The following ATRNL1 variants were observed in gnomAD, a reference collection of about 807,000 sequenced individuals.
ATRNL1 encodes attractin like 1.
In ATRNL1, 95 loss-of-function variants were observed where a neutral mutation model predicts 182.7. The observed-to-expected ratio is 0.52, with a 90% CI of 0.44 to 0.62. The LOEUF is 0.62. Ranked by LOEUF, ATRNL1 falls within the 20% of genes least tolerant of loss-of-function variation. The pLI is 0.00. For synonymous variants in ATRNL1, 576 were observed against 568.3 expected, an observed-to-expected ratio of 1.01 and a Z score of -0.19; for missense variants, 1,471 against 1,679.5, an observed-to-expected ratio of 0.88 and a Z score of 2.17.
chr10:115,753,299 A>G (rs1948499288), intron 27 of ATRNL1, among the ~76,000 whole-genome samples: 2 of 148,884 alleles, frequency 1.3e-5, no homozygotes, highest in Admixed American at 1.4e-4. Context: ...TACATTAGGT[A>G]TTTCTCCTAA....
At chr10:115,354,058 G>T (rs1856391639) in intron 19 of ATRNL1, among the ~76,000 whole-genome samples, 1 of 152,110 alleles carries the variant, frequency 6.6e-6, no homozygotes, top group African/African-American at 2.4e-5. Flanking sequence ...CTAACCCGCA[G>T]CTTGTGGGCC....
At chr10:115,332,834 T>TA (rs1215740668) in intron 18 of ATRNL1, among the ~76,000 whole-genome samples, 1 of 152,054 alleles carries the variant, frequency 6.6e-6, no homozygotes, top group African/African-American at 2.4e-5. Flanking sequence ...GTTTTTTTTT[T>TA]ACATTCAATG....
intron 25 of ATRNL1, among the ~76,000 whole-genome samples, chr10:115,543,204 C>T (rs539680271): frequency 6.6e-6 from 1 of 152,308 alleles, no homozygotes; most frequent in African/African-American, 2.4e-5. Context: ...TAACAACCCT[C>T]AGAAGTTTGA....
intron 27 of ATRNL1, among the ~76,000 whole-genome samples, chr10:115,733,572 G>A (rs1216035737): frequency 2.0e-5 from 3 of 152,084 alleles, no homozygotes; most frequent in Admixed American, 6.6e-5. Flanking sequence ...TGAAGCAGCT[G>A]TCCTATTAAG....
At chr10:115,388,656 A>G (rs1261318542) in intron 19 of ATRNL1, among the ~76,000 whole-genome samples, 1 of 151,900 alleles carries the variant, frequency 6.6e-6, no homozygotes, top group Non-Finnish European at 1.5e-5. Flanking sequence ...TTATATATAC[A>G]CATTATTTAT....
At chr10:115,116,337 G>C (rs531785071) in intron 1 of ATRNL1, among the ~76,000 whole-genome samples, 1 of 151,994 alleles carries the variant, frequency 6.6e-6, no homozygotes, top group African/African-American at 2.4e-5. Context: ...AGAAATAGTA[G>C]TTATGTAAGA....
intron 26 of ATRNL1, among the ~76,000 whole-genome samples, chr10:115,664,672 T>C (rs575586067): frequency 5.3e-5 from 8 of 152,184 alleles, no homozygotes; most frequent in Non-Finnish European, 1.0e-4. Flanking sequence ...AATTATCATA[T>C]AAATAATTTA....
chr10:115,836,004 T>A (rs1950662110), intron 27 of ATRNL1, among the ~76,000 whole-genome samples: 1 of 152,204 alleles, frequency 6.6e-6, no homozygotes, highest in Non-Finnish European at 1.5e-5. Context: ...ATGAACCTCC[T>A]GCACACATGT....
chr10:115,823,437 G>A (rs1950351218), intron 27 of ATRNL1, among the ~76,000 whole-genome samples: 3 of 152,152 alleles, frequency 2.0e-5, no homozygotes, highest in Admixed American at 2.0e-4. Flanking sequence ...GGGCAATCAG[G>A]CAAGAGAAAG....
chr10:115,184,876 C>G (rs1467603305), intron 8 of ATRNL1, among the ~76,000 whole-genome samples: 2 of 151,920 alleles, frequency 1.3e-5, no homozygotes, highest in Non-Finnish European at 2.9e-5. Context: ...ACTATGTGCT[C>G]TCAGTCGAGG....
intron 26 of ATRNL1, among the ~76,000 whole-genome samples, chr10:115,658,165 G>A (rs573525081): frequency 1.2e-3 from 166 of 136,466 alleles, no homozygotes; most frequent in African/African-American, 4.2e-3. Context: ...GCGCAATTTC[G>A]GCTCACTGCA....
chr10:115,667,359 A>G (rs888798000), intron 26 of ATRNL1, among the ~76,000 whole-genome samples: 3 of 152,132 alleles, frequency 2.0e-5, no homozygotes, highest in African/African-American at 7.2e-5. Context: ...TCACAATTTG[A>G]TGGGTTTTCT....
At chr10:115,804,152 T>G (rs1555085095) in intron 27 of ATRNL1, among the ~76,000 whole-genome samples, 2 of 152,202 alleles carry the variant, frequency 1.3e-5, no homozygotes, top group African/African-American at 4.8e-5. Context: ...AAGTAAAAAG[T>G]ATCCAGAACT....
intron 19 of ATRNL1, among the ~76,000 whole-genome samples, chr10:115,348,990 T>C (rs1014165031): frequency 6.6e-6 from 1 of 152,204 alleles, no homozygotes; most frequent in Admixed American, 6.5e-5. Context: ...TCTGGATCTT[T>C]TGAAATATAC....
chr10:115,855,181 AT>A (rs1319735940), intron 28 of ATRNL1, among the ~76,000 whole-genome samples: 5 of 152,170 alleles, frequency 3.3e-5, no homozygotes, highest in Non-Finnish European at 7.3e-5. Flanking sequence ...TATCTTTGTG[AT>A]TGCTGCTAGG....
intron 8 of ATRNL1, among the ~76,000 whole-genome samples, chr10:115,203,760 T>A (rs1554893086): frequency 1.4e-5 from 2 of 143,836 alleles, no homozygotes; most frequent in South Asian, 4.4e-4. Flanking sequence ...TTTTTTTTTT[T>A]TTTTTTTTGT....
chr10:115,628,750 A>G (rs1555025451), intron 26 of ATRNL1, among the ~76,000 whole-genome samples: 1 of 152,094 alleles, frequency 6.6e-6, no homozygotes, highest in Non-Finnish European at 1.5e-5. Flanking sequence ...TAATTTTTCT[A>G]TGTGGTGTGA....
chr10:115,604,978 A>G (rs1856802035), intron 26 of ATRNL1, among the ~76,000 whole-genome samples: 1 of 152,180 alleles, frequency 6.6e-6, no homozygotes, highest in South Asian at 2.1e-4. Flanking sequence ...AGCTTTATAC[A>G]GGTCCTAAAT....
At chr10:115,181,889 A>G (rs1254189631) in intron 8 of ATRNL1, among the ~76,000 whole-genome samples, 3 of 151,684 alleles carry the variant, frequency 2.0e-5, no homozygotes, top group Non-Finnish European at 4.4e-5. Flanking sequence ...TAAAAAGTTG[A>G]AAGATCTTTC....
Sources: allele counts gnomAD v4.1 joint callset (sites outside exome capture counted in the v4.1 genomes callset), GRCh38; gene constraint gnomAD v4.1.1; transcripts MANE v1.5; gene names NCBI Gene and HGNC (gene_info 2026-07-23, HGNC 2026-07-21).